The following ATAD2 variants were observed in gnomAD, a reference collection of about 807,000 sequenced individuals.
ATAD2 encodes the protein ATPase family AAA domain-containing protein 2.
A neutral mutation model predicts 168.9 loss-of-function variants in ATAD2; 62 were observed. The observed-to-expected ratio is 0.37, with a 90% CI of 0.30 to 0.45. The LOEUF (loss-of-function observed/expected upper bound fraction) is 0.45, where lower values mean the gene tolerates loss of function less well. ATAD2 is among the 20% of genes least tolerant of loss of function. The pLI is 1.00. For synonymous variants in ATAD2, 613 were observed against 571.6 expected (o/e 1.07, Z -1.03); for missense variants, 1,419 against 1,667.8 (o/e 0.85, Z 2.60).
At chr8:123,405,095 T>C (rs1452919839) in intron 1 of ATAD2, among the ~76,000 whole-genome samples, 1 of 152,128 alleles carries the variant, frequency 6.6e-6, no homozygotes, top group African/African-American at 2.4e-5. Flanking sequence ...GATGGTATGA[T>C]ATTTGTAGCA....
At chr8:123,370,121 A>C (rs1829107221) in intron 6 of ATAD2, 97 bp from the exon 7 acceptor site, 1 of 1,143,926 alleles carries the variant, frequency 8.7e-7, no homozygotes, top group Non-Finnish European at 1.2e-6. Context: ...CACCCTTTTA[A>C]AACTTATCTA....
chr8:123,372,764 C>T, intron 2 of ATAD2, 78 bp from the exon 3 acceptor site: 1 of 1,217,504 alleles, frequency 8.2e-7, no homozygotes, highest in Non-Finnish European at 1.1e-6. Flanking sequence ...GATTGCACTC[C>T]ATCGTCCAAC....
intron 26 of ATAD2, among the ~76,000 whole-genome samples, chr8:123,325,265 TTTTTG>T (rs770228269): frequency 3.6e-4 from 54 of 150,394 alleles, no homozygotes; most frequent in Admixed American, 7.3e-4. Context: ...CCTAACTAAT[TTTTTG>T]TTTTATCTAT....
At chr8:123,333,231 CAAAAAAAAAAAAAA>C (rs71310667) in intron 24 of ATAD2, among the ~76,000 whole-genome samples, 9 of 43,984 alleles carry the variant, frequency 2.0e-4, no homozygotes, top group East Asian at 8.0e-4. Flanking sequence ...TCTAAAAATA[CAAAAAAAAAAAAAA>C]AAAAAAAAAA....
chr8:123,387,166 A>G (rs1234931486), intron 1 of ATAD2, among the ~76,000 whole-genome samples: 1 of 152,168 alleles, frequency 6.6e-6, no homozygotes, highest in Non-Finnish European at 1.5e-5. Context: ...CTGAGATAAT[A>G]CTATATGTTT....
chr8:123,366,999 A>T (rs1828998445), intron 8 of ATAD2, among the ~76,000 whole-genome samples: 1 of 152,180 alleles, frequency 6.6e-6, no homozygotes, highest in Non-Finnish European at 1.5e-5. Context: ...AATAAAATAA[A>T]ATAAATAAAA....
At chr8:123,353,791 AAACTCTGTCCC>A (rs1828548975) in intron 13 of ATAD2, among the ~76,000 whole-genome samples, 1 of 152,184 alleles carries the variant, frequency 6.6e-6, no homozygotes, top group Non-Finnish European at 1.5e-5. Flanking sequence ...ACAAAACAAA[AAACTCTGTCCC>A]AAGTTTCTAT....
chr8:123,388,124 C>CA (rs1300617946), intron 1 of ATAD2, among the ~76,000 whole-genome samples: 1 of 152,226 alleles, frequency 6.6e-6, no homozygotes, highest in Non-Finnish European at 1.5e-5. Flanking sequence ...AGTACATTCA[C>CA]AACTGTCTCC....
At chr8:123,353,134 C>A (rs1358915030) in intron 13 of ATAD2, among the ~76,000 whole-genome samples, 5 of 151,974 alleles carry the variant, frequency 3.3e-5, no homozygotes, top group Admixed American at 1.3e-4. Flanking sequence ...GAGGCTGAGG[C>A]AGGTAGATCT....
intron 1 of ATAD2, chr8:123,401,973 A>T: frequency 1.0e-6 from 1 of 989,830 alleles, no homozygotes; most frequent in African/African-American, 1.6e-5. Flanking sequence ...GGCTGCCAGG[A>T]TATCAGGGCC....
chr8:123,406,934 A>ACATAGGATTACATAGGATTAC (rs1813076179), intron 1 of ATAD2, among the ~76,000 whole-genome samples: 10 of 152,168 alleles, frequency 6.6e-5, no homozygotes, highest in Admixed American at 6.6e-4. Flanking sequence ...CTGATTTGGA[A>ACATAGGATTACATAGGATTAC]ATAGGATCTT....
intron 17 of ATAD2, 79 bp from the exon 18 acceptor site, chr8:123,346,351 T>C (rs1277879666): frequency 7.5e-6 from 10 of 1,338,656 alleles, no homozygotes; most frequent in African/African-American, 1.5e-5. Context: ...ACTATAAACT[T>C]TCATAAGTAA....
At chr8:123,378,618 C>T (rs934032705) in intron 2 of ATAD2, among the ~76,000 whole-genome samples, 2 of 132,316 alleles carry the variant, frequency 1.5e-5, no homozygotes, top group African/African-American at 5.6e-5. Flanking sequence ...AGGAGGATCG[C>T]TTGAACCTGG....
intron 13 of ATAD2, chr8:123,352,695 T>A (rs577317094): frequency 5.3e-5 from 8 of 150,246 alleles, no homozygotes; most frequent in Admixed American, 3.3e-4. Flanking sequence ...TTTTTTTTTT[T>A]ACAAATAAGA....
intron 1 of ATAD2, among the ~76,000 whole-genome samples, chr8:123,412,605 A>T (rs11784333): frequency 0.41 from 61,309 of 149,752 alleles, 12,946 homozygotes; most frequent in East Asian, 0.56. Context: ...ATTAAAAAAA[A>T]TTTTTTTTTT....
At chr8:123,391,091 C>T (rs1294931572) in intron 1 of ATAD2, among the ~76,000 whole-genome samples, 1 of 151,422 alleles carries the variant, frequency 6.6e-6, no homozygotes, top group Non-Finnish European at 1.5e-5. Flanking sequence ...ACTATCCATC[C>T]TTAAGTGACT....
At chr8:123,325,745 G>A in intron 26 of ATAD2, 148 bp downstream of exon 26, 6 of 1,027,838 alleles carry the variant, frequency 5.8e-6, no homozygotes, top group Non-Finnish European at 5.5e-6. Context: ...AACAGGGGAA[G>A]GAGAAGAACA....
chr8:123,377,091 C>CAAAAAAAAAAAAAATAAAAAAAA (rs1829339054), intron 2 of ATAD2, among the ~76,000 whole-genome samples: 1 of 27,258 alleles, frequency 3.7e-5, no homozygotes, highest in Non-Finnish European at 5.6e-5. Flanking sequence ...GACTCCGTCT[C>CAAAAAAAAAAAAAATAAAAAAAA]AAAAAAAAAA....
intron 19 of ATAD2, among the ~76,000 whole-genome samples, chr8:123,343,448 T>C (rs1828127933): frequency 6.6e-6 from 1 of 152,234 alleles, no homozygotes; most frequent in African/African-American, 2.4e-5. Context: ...TGTGTAAGGA[T>C]ACACGTTTTT....
Sources: gnomAD v4.1 joint callset for allele counts (sites outside exome capture counted in the v4.1 genomes callset) on GRCh38, gnomAD v4.1.1 for gene constraint, MANE v1.5 for transcripts, NCBI Gene and HGNC (gene_info 2026-07-23, HGNC 2026-07-21) for gene names.